NBAS: variants seen among roughly 807,000 people sequenced by gnomAD.
NBAS encodes the protein NAG/BC035112 fusion.
Under a neutral mutation model 302.5 loss-of-function variants are expected in NBAS, and 219 were observed. That is an observed-to-expected ratio of 0.72 (90% CI 0.65 to 0.81). NBAS has a LOEUF of 0.81. NBAS is among the 30% of genes least tolerant of loss of function. The pLI is 0.00. For synonymous variants in NBAS, 1,118 were observed against 1,021.6 expected (o/e 1.09, Z -1.80); for missense variants, 2,932 against 2,841.6 (o/e 1.03, Z -0.72).
chr2:14,836,734 G>T, the NBAS span, among the ~76,000 whole-genome samples: 1 of 151,732 alleles, frequency 6.6e-6, no homozygotes, highest in African/African-American at 2.4e-5. Flanking sequence ...CAAACCATTG[G>T]ATTTTGATGG....
intron 31 of NBAS, among the ~76,000 whole-genome samples, chr2:15,372,963 C>T (rs1674559495): frequency 6.6e-6 from 1 of 152,138 alleles, no homozygotes; most frequent in Non-Finnish European, 1.5e-5. Flanking sequence ...AACACAGACA[C>T]ACAGGCACAC....
At chr2:14,993,619 T>C in the NBAS span, among the ~76,000 whole-genome samples, 1 of 152,246 alleles carries the variant, frequency 6.6e-6, no homozygotes, top group Non-Finnish European at 1.5e-5. Context: ...CAAATTCTTC[T>C]AATTTAGAGT....
At chr2:15,190,118 C>T (rs1665278034) in intron 49 of NBAS, 146 bp downstream of exon 49, 4 of 906,734 alleles carry the variant, frequency 4.4e-6, no homozygotes, top group South Asian at 1.8e-5. Flanking sequence ...ATTTCAAAAA[C>T]AATTTTAAAT....
At chr2:15,413,066 G>A (rs369608447) in intron 25 of NBAS, among the ~76,000 whole-genome samples, 19 of 152,274 alleles carry the variant, frequency 1.2e-4, no homozygotes, top group African/African-American at 2.9e-4. Flanking sequence ...AACAACTTGC[G>A]TAACCTCCTC....
intron 35 of NBAS, among the ~76,000 whole-genome samples, chr2:15,342,191 C>A (rs572697797): frequency 6.6e-6 from 1 of 151,948 alleles, no homozygotes; most frequent in African/African-American, 2.4e-5. Context: ...AAGATGTGTA[C>A]GTAGAATGCA....
At chr2:14,829,863 C>T in the NBAS span, among the ~76,000 whole-genome samples, 165 of 152,328 alleles carry the variant, frequency 1.1e-3, no homozygotes, top group African/African-American at 3.8e-3. Context: ...GGTTTCCGAA[C>T]GTGGCTGATC....
chr2:14,987,848 A>G, the NBAS span, among the ~76,000 whole-genome samples: 1 of 152,120 alleles, frequency 6.6e-6, no homozygotes, highest in African/African-American at 2.4e-5. Flanking sequence ...ATTTCGGTAT[A>G]TATTCTTTTG....
At chr2:15,235,174 T>C (rs1667538479) in intron 45 of NBAS, among the ~76,000 whole-genome samples, 1 of 152,200 alleles carries the variant, frequency 6.6e-6, no homozygotes, top group Non-Finnish European at 1.5e-5. Flanking sequence ...AACTATGTAA[T>C]CCCAGGTATT....
chr2:15,310,898 A>T (rs1671242454), intron 38 of NBAS, among the ~76,000 whole-genome samples: 1 of 152,238 alleles, frequency 6.6e-6, no homozygotes, highest in Non-Finnish European at 1.5e-5. Flanking sequence ...AATCCCAGGC[A>T]TGTTTTAGAA....
At chr2:14,965,491 T>C in the NBAS span, among the ~76,000 whole-genome samples, 1 of 152,090 alleles carries the variant, frequency 6.6e-6, no homozygotes, top group Non-Finnish European at 1.5e-5. Flanking sequence ...ATAGATAAAT[T>C]AAATGGCTCA....
At position 15,232,455 on chromosome 2, in the gene NBAS, A is replaced by G; in HGVS notation, c.6203T>C (p.Val2068Ala). 1 of 1,614,130 alleles carries G rather than the reference A, an allele frequency of 6.2e-7. No individual in the cohort carries two copies. Among genetic ancestry groups the G allele is most frequent in the Non-Finnish European group, 8.5e-7 (1 of 1,180,020 alleles). ...CACACTGGCGTGGACTGCTGCAACA[A>G]CACCTTCCAGGACCTTCAGTGGGTC... is the stretch of plus-strand genomic sequence containing the variant. ...PRDPLKVLEG[V>A]VAAVHASVDK... The change falls in exon 47 of 52, where the codon GTT (valine) becomes GCT (alanine). Residue 2068 changes from valine to alanine, a missense_variant. Transcript: ENST00000281513.
At chr2:14,877,542 T>C in the NBAS span, among the ~76,000 whole-genome samples, 47 of 152,364 alleles carry the variant, frequency 3.1e-4, 2 homozygotes, top group East Asian at 9.1e-3. Context: ...CAAATACTTC[T>C]GCATCACCTT....
At chr2:15,022,442 A>G in the NBAS span, among the ~76,000 whole-genome samples, 1 of 152,212 alleles carries the variant, frequency 6.6e-6, no homozygotes, top group Non-Finnish European at 1.5e-5. Context: ...CAATTCATTT[A>G]GGAGTAGGAG....
chr2:15,461,721 T>A lies in NBAS; in HGVS notation c.2168A>T (p.Gln723Leu), dbSNP rs1444795397. The change falls in exon 20 of 52, where the codon CAG (glutamine) becomes CTG (leucine). Residue 723 changes from glutamine to leucine, a missense_variant. Coordinates refer to ENST00000281513, the MANE Select transcript of NBAS (RefSeq NM_015909.4). ...AGTTCTTGCTGAGAGAACAATATTCTGATTTCTGAATTTCTTAAAGAATTC... is the reference window on the plus strand; with the variant it reads ...AGTTCTTGCTGAGAGAACAATATTCAGATTTCTGAATTTCTTAAAGAATTC... The part of the protein sequence containing the change: ...DAEFFKKFRN[Q>L]NIVLSARTYA... The A allele has an allele frequency of 6.2e-7, 1 of 1,607,114 alleles. No individual in the cohort carries two copies. The highest frequency in any genetic ancestry group is 1.7e-5 in the Admixed American group (1 of 59,868).
chr2:15,104,327 G>A, the NBAS span, among the ~76,000 whole-genome samples: 1 of 152,024 alleles, frequency 6.6e-6, no homozygotes, highest in South Asian at 2.1e-4. Context: ...GTCTTTATTA[G>A]CAGCATGAAA....
chr2:15,047,476 TG>T, the NBAS span, among the ~76,000 whole-genome samples: 1 of 151,130 alleles, frequency 6.6e-6, no homozygotes, highest in African/African-American at 2.4e-5. Flanking sequence ...AGGTAAAGGC[TG>T]GCCTTATGCC....
rs1446529121 is a variant in NBAS, at chr2:15,561,327, G to A, written c.-23C>T. Reference sequence around the variant, plus strand: ...CATGTTCGCCGAGGACTCAGGCAGCGGAGGAGTGTCTCTACGGAATCCCTC... The same window carrying A: ...CATGTTCGCCGAGGACTCAGGCAGCAGAGGAGTGTCTCTACGGAATCCCTC... On this transcript the variant is annotated 5_prime_UTR_variant, in exon 1 of 52. Coordinates refer to ENST00000281513, the MANE Select transcript of NBAS (RefSeq NM_015909.4). 39 of 1,600,892 alleles carry A rather than the reference G, an allele frequency of 2.4e-5. No homozygotes were observed. Among genetic ancestry groups the A allele is most frequent in the Non-Finnish European group, 3.1e-5 (36 of 1,171,688 alleles).
chr2:15,548,949 C>A (rs1258757023), intron 6 of NBAS, among the ~76,000 whole-genome samples: 1 of 152,066 alleles, frequency 6.6e-6, no homozygotes, highest in African/African-American at 2.4e-5. Flanking sequence ...GATAGACAGG[C>A]TGATTGCGAA....
At chr2:15,441,041 G>A (rs1678366878) in intron 21 of NBAS, among the ~76,000 whole-genome samples, 2 of 152,220 alleles carry the variant, frequency 1.3e-5, no homozygotes, top group Admixed American at 1.3e-4. Context: ...TGGTGTACCT[G>A]AAAGTGACGG....
Sources: allele counts gnomAD v4.1 joint callset (sites outside exome capture counted in the v4.1 genomes callset), GRCh38; gene constraint gnomAD v4.1.1; transcripts MANE v1.5; gene names NCBI Gene and HGNC (gene_info 2026-07-23, HGNC 2026-07-21).